STK24: variants seen among roughly 807,000 people sequenced by gnomAD.
The protein encoded by STK24 is serine/threonine kinase 24.
STK24 carries 21 observed loss-of-function variants against 55.6 expected under a neutral mutation model. The observed-to-expected ratio is 0.38, with a 90% CI of 0.27 to 0.54. The LOEUF (loss-of-function observed/expected upper bound fraction) is 0.54, where lower values mean the gene tolerates loss of function less well. Ranked by LOEUF, STK24 falls within the 20% of genes least tolerant of loss-of-function variation. STK24 has a pLI of 0.79. For synonymous variants in STK24, 200 were observed against 215.2 expected, an observed-to-expected ratio of 0.93 and a Z score of 0.62; for missense variants, 383 against 538.4, an observed-to-expected ratio of 0.71 and a Z score of 2.86.
intron 1 of STK24, among the ~76,000 whole-genome samples, chr13:98,528,047 G>A (rs1237094125): frequency 6.6e-6 from 1 of 152,100 alleles, no homozygotes; most frequent in African/African-American, 2.4e-5. Context: ...CCGCAAAGCT[G>A]GAGAGAGCCG....
intron 1 of STK24, 42 bp downstream of exon 1, chr13:98,576,703 C>T (rs1275593451): frequency 6.9e-7 from 1 of 1,448,736 alleles, no homozygotes; most frequent in South Asian, 1.3e-5. Context: ...GCTGCTTCCG[C>T]CCCGGTCGCG....
At chr13:98,465,701 A>T (rs1466007181) in intron 6 of STK24, among the ~76,000 whole-genome samples, 1 of 152,218 alleles carries the variant, frequency 6.6e-6, no homozygotes, top group Non-Finnish European at 1.5e-5. Context: ...AGTTAAGAAA[A>T]GGGGGGCTCA....
At chr13:98,492,492 T>C (rs1479472016) in intron 2 of STK24, among the ~76,000 whole-genome samples, 1 of 152,126 alleles carries the variant, frequency 6.6e-6, no homozygotes, top group Non-Finnish European at 1.5e-5. Context: ...TTTTCTCGAA[T>C]ACCACCGGCC....
At chr13:98,484,619 G>C (rs544153408) in intron 2 of STK24, among the ~76,000 whole-genome samples, 4 of 152,106 alleles carry the variant, frequency 2.6e-5, no homozygotes, top group Non-Finnish European at 4.4e-5. Flanking sequence ...TCCTCAGTTC[G>C]CTGCTCTCTC....
In STK24 at chr13:98,561,162, TTC is replaced by T. The variant is rs548246994; in HGVS notation, c.42+15581_42+15582del. ...TAAGTGTAACACCACCGTGTGGGTA[TTC>T]TCACTTAGCAACCTAGGCAAAGCAA... is the stretch of plus-strand genomic sequence containing the variant. On this transcript the variant is annotated intron_variant, in intron 1 of 10. Coordinates refer to ENST00000539966, the MANE Select transcript of STK24 (RefSeq NM_001032296.4). 3.9e-4 allele frequency among the ~76,000 whole-genome samples: 59 copies of T among 152,210 alleles called. 1 individual carries two copies. Among genetic ancestry groups the T allele is most frequent in the Non-Finnish European group, 1.3e-4 (9 of 68,028 alleles).
At chr13:98,539,098 C>T (rs71437968) in intron 1 of STK24, among the ~76,000 whole-genome samples, 10,810 of 152,202 alleles carry the variant, frequency 0.071, 513 homozygotes, top group Non-Finnish European at 0.11. Context: ...AAAGGCTCAG[C>T]CTGCTGCGCA....
intron 2 of STK24, among the ~76,000 whole-genome samples, chr13:98,495,926 C>T (rs1199007027): frequency 6.6e-6 from 1 of 152,170 alleles, no homozygotes; most frequent in African/African-American, 2.4e-5. Flanking sequence ...TTCAATATTC[C>T]ACAAAAGCTC....
At position 98,453,004 on chromosome 13, in the gene STK24, G is replaced by T; in HGVS notation, c.*169C>A. 1.6e-6 allele frequency: 1 copy of T among 607,476 alleles called. No individual in the cohort carries two copies. The highest frequency in any genetic ancestry group is 2.8e-6 in the Non-Finnish European group (1 of 355,396). The allele number at this position is 607,476 out of a possible 1,614,324, so 37.6% of individuals were successfully genotyped here. A position where few individuals can be genotyped will look rare whatever the true frequency, so the allele number is the denominator to read the frequency against. Reference sequence around the variant, plus strand: ...CCCATCTGAGAGACTTCATCTGGCTGCAGCACAGTGAAGACTGTGTGTGTC... The same window carrying T: ...CCCATCTGAGAGACTTCATCTGGCTTCAGCACAGTGAAGACTGTGTGTGTC... On this transcript the variant is annotated 3_prime_UTR_variant, in exon 11 of 11. Coordinates refer to ENST00000539966, the MANE Select transcript of STK24 (RefSeq NM_001032296.4).
chr13:98,484,074 A>G (rs1594599100), intron 2 of STK24, among the ~76,000 whole-genome samples: 1 of 152,190 alleles, frequency 6.6e-6, no homozygotes, highest in East Asian at 1.9e-4. Context: ...TCATTCAATA[A>G]CCATCCAGTC....
At position 98,460,418 on chromosome 13, in the gene STK24, G is replaced by C. The variant is rs1256890472; in HGVS notation, c.1076C>G (p.Pro359Arg). 2 of 1,613,354 alleles carry C rather than the reference G, an allele frequency of 1.2e-6. No homozygotes were observed. Among genetic ancestry groups the C allele is most frequent in the African/African-American group, 2.7e-5 (2 of 75,004 alleles). Residue 359 changes from proline to arginine, a missense_variant, in exon 9 of 11, where the codon CCT becomes CGT. Coordinates refer to ENST00000539966, the MANE Select transcript of STK24 (RefSeq NM_001032296.4). ...RNKMKDIPKR[P>R]FSQCLSTIIS... The stretch of plus-strand genomic sequence containing the variant: ...AATTGTAGATAAACACTGAGAGAAA[G>C]GCCTCTTCGGGATGTCTTTCATCTT...
Position 98,447,504 on chromosome 13 carries a change from C to G in STK24, c.*5669G>C, listed in dbSNP as rs1030646407. 1 of 152,374 alleles carries G rather than the reference C, an allele frequency of 6.6e-6. No individual in the cohort carries two copies. The highest frequency in any genetic ancestry group is 2.4e-5 in the African/African-American group (1 of 41,436). 9.4% of individuals were successfully genotyped at this position (152,374 alleles called of 1,614,324 possible). On this transcript the variant is annotated 3_prime_UTR_variant, in exon 11 of 11. Coordinates refer to ENST00000539966, the MANE Select transcript of STK24 (RefSeq NM_001032296.4). ...AGTCCAGATCCTGAAAGGCCTGGGA[C>G]AAGGCCAGGTAATTTGGGGAGTCCG...
intron 2 of STK24, among the ~76,000 whole-genome samples, chr13:98,487,706 T>C (rs1217260287): frequency 3.9e-5 from 6 of 152,240 alleles, no homozygotes; most frequent in Non-Finnish European, 8.8e-5. Context: ...TCCTCATTTT[T>C]TTAACCATAA....
chr13:98,482,786 C>G (rs1333560082), intron 2 of STK24, among the ~76,000 whole-genome samples: 2 of 152,198 alleles, frequency 1.3e-5, no homozygotes. Flanking sequence ...CGCCCCCCAC[C>G]CCCTACCGTG....
At chr13:98,477,295 T>C (rs899238369) in intron 3 of STK24, among the ~76,000 whole-genome samples, 1 of 152,046 alleles carries the variant, frequency 6.6e-6, no homozygotes, top group Non-Finnish European at 1.5e-5. Flanking sequence ...GGGTGGACAG[T>C]GGGGAGGAGG....
intron 5 of STK24, among the ~76,000 whole-genome samples, chr13:98,469,369 C>G (rs780267889): frequency 6.6e-6 from 1 of 152,052 alleles, no homozygotes; most frequent in African/African-American, 2.4e-5. Context: ...GCCAACATGG[C>G]GAAACCCCAT....
intron 2 of STK24, among the ~76,000 whole-genome samples, chr13:98,494,107 G>A (rs1895150717): frequency 6.8e-6 from 1 of 146,438 alleles, no homozygotes; most frequent in South Asian, 2.2e-4. Context: ...CTCCCAAAGT[G>A]TAAAATTTTT....
Position 98,544,494 on chromosome 13 carries a change from G to A in STK24, c.43-25021C>T, listed in dbSNP as rs145449874. Among the ~76,000 whole-genome samples the A allele has an allele frequency of 3.8e-3, 584 of 152,306 alleles. 5 individuals carry two copies. The highest frequency in any genetic ancestry group is 0.01 in the Middle Eastern group (3 of 294). Reference sequence around the variant, plus strand: ...CAGCCCCCCTGGAGTATCTCATCCCGCCGGGTAGAGCAGGCAGAGGCACAG... The same window carrying A: ...CAGCCCCCCTGGAGTATCTCATCCCACCGGGTAGAGCAGGCAGAGGCACAG... On this transcript the variant is annotated intron_variant, in intron 1 of 10. Coordinates refer to ENST00000539966, the MANE Select transcript of STK24 (RefSeq NM_001032296.4).
chr13:98,472,150 C>T lies in STK24; in HGVS notation c.597+2671G>A, dbSNP rs374463070. ...GACAAGAGCTGCCAGTCCAGAGCCA[C>T]GCCCAGTGGGAAACAAAGGAAATCT... is the stretch of plus-strand genomic sequence containing the variant. On this transcript the variant is annotated intron_variant, in intron 5 of 10. Transcript: ENST00000539966. Among the ~76,000 whole-genome samples the T allele has an allele frequency of 1.6e-4, 24 of 152,352 alleles. 2 individuals are homozygous for T. Among genetic ancestry groups the T allele is most frequent in the African/African-American group, 4.6e-4 (19 of 41,574 alleles).
rs550049519 is a variant in STK24, at chr13:98,520,180, C to T, written c.43-707G>A. Among the ~76,000 whole-genome samples, 8 of 152,314 alleles carry T rather than the reference C, an allele frequency of 5.3e-5. No individual in the cohort carries two copies. In the South Asian group the frequency reaches 1.7e-3, roughly 32 times the overall value. On this transcript the variant is annotated intron_variant, in intron 1 of 10. Transcript: ENST00000539966. ...TCCTAACAGCTACACAGTACAGAGT[C>T]GTGTGAACAGCTGAGTTCTCAAAGG...
Sources: allele counts gnomAD v4.1 joint callset (sites outside exome capture counted in the v4.1 genomes callset), GRCh38; gene constraint gnomAD v4.1.1; transcripts MANE v1.5; gene names NCBI Gene and HGNC (gene_info 2026-07-23, HGNC 2026-07-21).